GNAL: variants seen among roughly 807,000 people sequenced by gnomAD.
The protein encoded by GNAL is G protein subunit alpha L.
A neutral mutation model predicts 55.1 loss-of-function variants in GNAL; 18 were observed. The observed-to-expected ratio is 0.33, with a 90% CI of 0.23 to 0.48. The LOEUF (loss-of-function observed/expected upper bound fraction) is 0.48. Ranked by LOEUF, GNAL falls within the 20% of genes least tolerant of loss-of-function variation. The pLI is 0.99. For missense variants in GNAL, 412 were observed against 614.1 expected (o/e 0.67, Z 3.48); for synonymous variants, 253 against 237.0 (o/e 1.07, Z -0.62).
chr18:11,794,946 G>A (rs1598465314), intron 4 of GNAL, among the ~76,000 whole-genome samples: 1 of 152,024 alleles, frequency 6.6e-6, no homozygotes, highest in African/African-American at 2.4e-5. Context: ...AGGTTCAAGC[G>A]ATTCTCCTGC....
intron 4 of GNAL, among the ~76,000 whole-genome samples, chr18:11,783,496 A>C (rs760924763): frequency 5.3e-5 from 8 of 152,204 alleles, no homozygotes; most frequent in African/African-American, 1.2e-4. Flanking sequence ...AACTCTACTA[A>C]TCTCACCGTG....
chr18:11,704,500 C>T (rs2031657395), intron 1 of GNAL, among the ~76,000 whole-genome samples: 1 of 152,100 alleles, frequency 6.6e-6, no homozygotes. Flanking sequence ...TGATAAGTAC[C>T]CCCATCTGTA....
chr18:11,699,891 A>G (rs1226657167), intron 1 of GNAL, among the ~76,000 whole-genome samples: 1 of 152,068 alleles, frequency 6.6e-6, no homozygotes, highest in African/African-American at 2.4e-5. Context: ...AGCTTCATGG[A>G]TTGCCGTACT....
At chr18:11,805,314 G>A (rs867820127) in intron 4 of GNAL, among the ~76,000 whole-genome samples, 5 of 152,144 alleles carry the variant, frequency 3.3e-5, no homozygotes, top group African/African-American at 1.2e-4. Context: ...GGAACATGGA[G>A]ATACTGTGTA....
chr18:11,816,471 G>A (rs1317961744), intron 4 of GNAL, among the ~76,000 whole-genome samples: 1 of 151,580 alleles, frequency 6.6e-6, no homozygotes, highest in Non-Finnish European at 1.5e-5. Flanking sequence ...TAATTTTTTT[G>A]TATTTTTATT....
At chr18:11,814,234 A>C (rs1428984654) in intron 4 of GNAL, among the ~76,000 whole-genome samples, 2 of 152,178 alleles carry the variant, frequency 1.3e-5, no homozygotes, top group Non-Finnish European at 2.9e-5. Context: ...CAGGCACAGA[A>C]AAACACTGGG....
At chr18:11,870,124 G>C (rs1003913230) in intron 9 of GNAL, among the ~76,000 whole-genome samples, 3 of 152,156 alleles carry the variant, frequency 2.0e-5, no homozygotes, top group African/African-American at 7.2e-5. Flanking sequence ...CTCAAATTTT[G>C]GTTTTCACAG....
At chr18:11,844,195 A>G (rs1285888102) in intron 5 of GNAL, among the ~76,000 whole-genome samples, 1 of 152,140 alleles carries the variant, frequency 6.6e-6, no homozygotes, top group Non-Finnish European at 1.5e-5. Flanking sequence ...GCACTTTGAG[A>G]GGCCGAGGCA....
intron 1 of GNAL, among the ~76,000 whole-genome samples, chr18:11,742,710 T>G (rs1650376554): frequency 6.6e-6 from 1 of 152,160 alleles, no homozygotes; most frequent in Non-Finnish European, 1.5e-5. Flanking sequence ...ATGTGCGCCT[T>G]CCCTCCATGT....
At chr18:11,779,133 T>A (rs1230078794) in intron 4 of GNAL, among the ~76,000 whole-genome samples, 1 of 152,040 alleles carries the variant, frequency 6.6e-6, no homozygotes, top group Non-Finnish European at 1.5e-5. Flanking sequence ...ACAGTGGCAT[T>A]CATAGAGTGG....
chr18:11,756,679 G>A (rs2033066385), intron 4 of GNAL, among the ~76,000 whole-genome samples: 1 of 151,932 alleles, frequency 6.6e-6, no homozygotes, highest in African/African-American at 2.4e-5. Flanking sequence ...ATAGTGCTTG[G>A]AAATATTTAT....
At chr18:11,826,038 T>A (rs1256006949) in intron 5 of GNAL, among the ~76,000 whole-genome samples, 1 of 152,212 alleles carries the variant, frequency 6.6e-6, no homozygotes, top group Non-Finnish European at 1.5e-5. Flanking sequence ...TTCCATAGCA[T>A]AAAATCTGGG....
At chr18:11,835,428 G>T (rs1319340197) in intron 5 of GNAL, among the ~76,000 whole-genome samples, 1 of 151,330 alleles carries the variant, frequency 6.6e-6, no homozygotes, top group Non-Finnish European at 1.5e-5. Flanking sequence ...GGAGTTCAAG[G>T]CCAGCCTAGG....
intron 1 of GNAL, among the ~76,000 whole-genome samples, chr18:11,712,440 T>TC (rs1198575351): frequency 1.3e-5 from 2 of 152,238 alleles, no homozygotes; most frequent in African/African-American, 4.8e-5. Context: ...ATTCTAGAGC[T>TC]CTCATAAAGG....
Position 11,695,928 on chromosome 18 carries a change from A to G in GNAL, c.376+5989A>G, listed in dbSNP as rs1357868946. On this transcript the variant is annotated intron_variant, in intron 1 of 11. Coordinates refer to ENST00000334049, the MANE Select transcript of GNAL (RefSeq NM_182978.4). ...CAGACATGCATGCACGCATGCACAC[A>G]CACACACACACACACACACACACAA... Among the ~76,000 whole-genome samples, 1,500 of 151,126 alleles carry G rather than the reference A, an allele frequency of 9.9e-3. 8 individuals carry two copies. The highest frequency in any genetic ancestry group is 0.02 in the African/African-American group (830 of 41,038).
chr18:11,773,167 G>A (rs2033683030), intron 4 of GNAL, among the ~76,000 whole-genome samples: 1 of 152,206 alleles, frequency 6.6e-6, no homozygotes, highest in South Asian at 2.1e-4. Context: ...GGGTTGTCTG[G>A]CACCAAGGTG....
At chr18:11,741,320 T>A (rs925051822) in intron 1 of GNAL, among the ~76,000 whole-genome samples, 1 of 152,226 alleles carries the variant, frequency 6.6e-6, no homozygotes, top group Non-Finnish European at 1.5e-5. Flanking sequence ...TATGGTGCAT[T>A]CTATAATCAT....
chr18:11,775,327 AT>A (rs1187819343), intron 4 of GNAL, among the ~76,000 whole-genome samples: 2 of 152,148 alleles, frequency 1.3e-5, no homozygotes, highest in Admixed American at 6.5e-5. Flanking sequence ...GGGAGGAAAT[AT>A]TTTTCAACCA....
Position 11,884,594 on chromosome 18 carries a change from T to TG in GNAL, c.*3461dup. On this transcript the variant is annotated 3_prime_UTR_variant, in exon 12 of 12. Coordinates refer to ENST00000334049, the MANE Select transcript of GNAL (RefSeq NM_182978.4). The stretch of plus-strand genomic sequence containing the variant: ...ACATCCTCACGTGGGAGGTAGCACT[T>TG]GGAGAGGGTGTAGTCTGTGGGCGTG... 6.2e-7 allele frequency: 1 copy of TG among 1,613,836 alleles called. No individual in the cohort carries two copies. Among genetic ancestry groups the TG allele is most frequent in the Non-Finnish European group, 8.5e-7 (1 of 1,180,016 alleles).
Sources: gnomAD v4.1 joint callset for allele counts (sites outside exome capture counted in the v4.1 genomes callset) on GRCh38, gnomAD v4.1.1 for gene constraint, MANE v1.5 for transcripts, NCBI Gene and HGNC (gene_info 2026-07-23, HGNC 2026-07-21) for gene names.